FIGNL2: variants seen among roughly 807,000 people sequenced by gnomAD.
The protein encoded by FIGNL2 is fidgetin like 2, also known as fidgetin-like protein 2.
For synonymous variants in FIGNL2, 565 were observed against 484.0 expected (o/e 1.17, Z -2.20); for missense variants, 1,060 against 950.2 (o/e 1.12, Z -1.52).
In FIGNL2 at chr12:51,821,730, G is replaced by C; in HGVS notation, c.684C>G (p.Ala228=). The C allele has an allele frequency of 7.6e-7, 1 of 1,310,850 alleles. No individual in the cohort carries two copies. Among genetic ancestry groups the C allele is most frequent in the South Asian group, 2.3e-5 (1 of 43,784 alleles). 81.2% of individuals were successfully genotyped at this position (1,310,850 alleles called of 1,614,324 possible). Residue 228 remains alanine (A), a synonymous_variant, in exon 2 of 2, where the codon GCC becomes GCG. Transcript: ENST00000618634. The part of the protein sequence containing the change: ...ALPPPPGPPP[A]PYLTPGLPAP... Reference sequence around the variant, plus strand: ...CGGGCAGGCCCGGGGTCAGGTAGGGGGCCGGGGGTGGGCCTGGGGGCGGCG... The same window carrying C: ...CGGGCAGGCCCGGGGTCAGGTAGGGCGCCGGGGGTGGGCCTGGGGGCGGCG...
At chr12:51,845,740 C>A in intron 1 of FIGNL2, 1 of 896,742 alleles carries the variant, frequency 1.1e-6, no homozygotes, top group Non-Finnish European at 1.3e-6. Context: ...GAAGGCAGGG[C>A]TCCTAAGGGT....
chr12:51,848,288 C>T, intron 1 of FIGNL2: 1 of 985,062 alleles, frequency 1.0e-6, no homozygotes, highest in Non-Finnish European at 1.2e-6. Flanking sequence ...GAGACGGGTG[C>T]CCGTCGGCGG....
Position 51,848,149 on chromosome 12 carries a change from C to T in FIGNL2, c.-12+391G>A, listed in dbSNP as rs536054255. The stretch of plus-strand genomic sequence containing the variant: ...AGTGGGAGGGGCCTGCGGGCCGGCC[C>T]TCGGGCTCCGGACGCTGGATCCTTC... On this transcript the variant is annotated intron_variant, in intron 1 of 1. Transcript: ENST00000618634. 4.9e-4 allele frequency: 478 copies of T among 984,816 alleles called. 3 individuals carry two copies. In the African/African-American group the frequency reaches 7.4e-3, roughly 15 times the overall value. 61.0% of individuals were successfully genotyped at this position (984,816 alleles called of 1,614,324 possible).
rs568597294 is a variant in FIGNL2 at position 51,822,709 on chromosome 12, T to C, written c.-11-285A>G. ...CCTTGTAGGCAATGGTTATTATTTT[T>C]GTCCTGGCCACTCCAGCCATGTCCT... On this transcript the variant is annotated intron_variant, in intron 1 of 1. Transcript: ENST00000618634. Among the ~76,000 whole-genome samples, 8 of 152,362 alleles carry C rather than the reference T, an allele frequency of 5.3e-5. No individual in the cohort carries two copies. The East Asian group carries it at 1.5e-3, about 29-fold the overall frequency.
intron 1 of FIGNL2, among the ~76,000 whole-genome samples, chr12:51,830,491 T>G (rs1489695373): frequency 1.5e-4 from 18 of 119,560 alleles, no homozygotes; most frequent in Non-Finnish European, 3.6e-4. Context: ...AAATATTGAG[T>G]TGTTTTTTTT....
chr12:51,846,283 T>A (rs1048915368), intron 1 of FIGNL2, among the ~76,000 whole-genome samples: 2 of 152,084 alleles, frequency 1.3e-5, no homozygotes, highest in African/African-American at 4.8e-5. Flanking sequence ...TGACAGAAGC[T>A]CGGGGCTGGG....
At position 51,820,958 on chromosome 12, in the gene FIGNL2, A is replaced by T. The variant is rs1592183624; in HGVS notation, c.1456T>A (p.Ser486Thr). 1.8e-5 allele frequency: 22 copies of T among 1,236,034 alleles called. No homozygotes were observed. The East Asian group carries it at 7.1e-4, about 40-fold the overall frequency. 76.6% of individuals were successfully genotyped at this position (1,236,034 alleles called of 1,614,324 possible). The change falls in exon 2 of 2, where the codon TCC (serine) becomes ACC (threonine). Residue 486 changes from serine (S) to threonine (T), a missense_variant. By Grantham distance (58) the Ser-to-Thr change is moderately conservative (BLOSUM62 1). Transcript: ENST00000618634. The stretch of plus-strand genomic sequence containing the variant: ...TCTAGCTCGCTGATGAGGAGTACGG[A>T]GGGTGGGCGGCAGCGCGCGGCCGCG... ...AFAAARCRPP[S>T]VLLISELEAL...
intron 1 of FIGNL2, among the ~76,000 whole-genome samples, chr12:51,834,101 ATGGATGGT>A (rs1312143014): frequency 9.0e-6 from 1 of 110,584 alleles, no homozygotes. Flanking sequence ...GGATGGGTGG[ATGGATGGT>A]TGGATGGATG....
At chr12:51,836,626 G>A (rs754289167) in intron 1 of FIGNL2, among the ~76,000 whole-genome samples, 2 of 152,110 alleles carry the variant, frequency 1.3e-5, no homozygotes, top group South Asian at 4.1e-4. Flanking sequence ...TATCCCAGCA[G>A]ACACACCCCA....
In FIGNL2 at chr12:51,819,356, C is replaced by T. The variant is rs1177043987; in HGVS notation, c.*1096G>A. 1 of 152,650 alleles carries T rather than the reference C, an allele frequency of 6.6e-6. No individual in the cohort carries two copies. The highest frequency in any genetic ancestry group is 1.5e-5 in the Non-Finnish European group (1 of 68,084). 9.5% of individuals were successfully genotyped at this position (152,650 alleles called of 1,614,324 possible). On this transcript the variant is annotated 3_prime_UTR_variant, in exon 2 of 2. Coordinates refer to ENST00000618634, the MANE Select transcript of FIGNL2 (RefSeq NM_001384995.1). ...GAGAGGAATAAGGCCTCCCTTCTCT[C>T]AAACCCCACAGCCCACTCCCCACAT...
At position 51,845,162 on chromosome 12, in the gene FIGNL2, T is replaced by G. The variant is rs562500209; in HGVS notation, c.-12+3378A>C. On this transcript the variant is annotated intron_variant, in intron 1 of 1. Coordinates refer to ENST00000618634, the MANE Select transcript of FIGNL2 (RefSeq NM_001384995.1). ...CAAAAAAAGTTATGGATACCCAGAA[T>G]GGGTAATCTTGGAGGCTCCTTCCAT... 4.6e-5 allele frequency among the ~76,000 whole-genome samples: 7 copies of G among 152,316 alleles called. No individual in the cohort carries two copies. In the South Asian group the frequency reaches 1.2e-3, roughly 27 times the overall value.
At chr12:51,843,647 C>G (rs948171129) in intron 1 of FIGNL2, among the ~76,000 whole-genome samples, 2 of 152,156 alleles carry the variant, frequency 1.3e-5, no homozygotes, top group Non-Finnish European at 2.9e-5. Context: ...CTGAGTCTGC[C>G]CTGGCAGTGA....
chr12:51,843,097 A>C (rs1205936486), intron 1 of FIGNL2, among the ~76,000 whole-genome samples: 1 of 152,206 alleles, frequency 6.6e-6, no homozygotes, highest in Non-Finnish European at 1.5e-5. Flanking sequence ...TAAAAGCCCC[A>C]GCTCAGAGCC....
At position 51,820,516 on chromosome 12, in the gene FIGNL2, C is replaced by T. The variant is rs1439170080; in HGVS notation, c.1898G>A (p.Arg633Lys). 1.3e-6 allele frequency: 2 copies of T among 1,573,992 alleles called. No homozygotes were observed. Among genetic ancestry groups the T allele is most frequent in the Non-Finnish European group, 1.7e-6 (2 of 1,167,946 alleles). Residue 633 changes from arginine to lysine, a missense_variant, in exon 2 of 2, where the codon AGG becomes AAG. Physicochemically the swap from Arg to Lys is conservative, Grantham distance 26. Transcript: ENST00000618634. ...CGAGTCCAGTTCCTTGGCAGAGGCC[C>T]TAGGGCCCACCTTGGCCAGCGCCGC... ...LEAALAKVGP[R>K]ASAKELDSFV...
At position 51,818,975 on chromosome 12, in the gene FIGNL2, C is replaced by G. The variant is rs1257938099; in HGVS notation, c.*1477G>C. On this transcript the variant is annotated 3_prime_UTR_variant, in exon 2 of 2. Coordinates refer to ENST00000618634, the MANE Select transcript of FIGNL2 (RefSeq NM_001384995.1). ...GCCCTGGAGCTCCAGACCTAGGACT[C>G]CGGGGGAATGGGGAAGGCACATTTC... The G allele has an allele frequency of 6.6e-6, 1 of 152,308 alleles. No individual in the cohort carries two copies. The highest frequency in any genetic ancestry group is 1.5e-5 in the Non-Finnish European group (1 of 68,142). The allele number at this position is 152,308 out of a possible 1,614,324, so 9.4% of individuals were successfully genotyped here.
chr12:51,830,108 G>A (rs1322101320), intron 1 of FIGNL2, among the ~76,000 whole-genome samples: 1 of 152,120 alleles, frequency 6.6e-6, no homozygotes, highest in African/African-American at 2.4e-5. Context: ...GGCCAACATG[G>A]TGAAACTCCA....
At chr12:51,842,220 G>A (rs1275427831) in intron 1 of FIGNL2, 1 of 152,260 alleles carries the variant, frequency 6.6e-6, no homozygotes, top group Non-Finnish European at 1.5e-5. Context: ...ACTCAGGCCT[G>A]AGGAGGGCCA....
In FIGNL2 at chr12:51,820,685, C is replaced by G. The variant is rs1322778986; in HGVS notation, c.1729G>C (p.Ala577Pro). The change falls in exon 2 of 2, where the codon GCG (alanine) becomes CCG (proline). Residue 577 changes from alanine to proline, a missense_variant. Coordinates refer to ENST00000618634, the MANE Select transcript of FIGNL2 (RefSeq NM_001384995.1). Reference sequence around the variant, plus strand: ...GCCGCCAGTTCCCGCTCACTGAGCGCGCAGCCCTGCTGGGCCAGCGCCCGC... The same window carrying G: ...GCCGCCAGTTCCCGCTCACTGAGCGGGCAGCCCTGCTGGGCCAGCGCCCGC... ...LQRALAQQGCALSERELAALV... is the reference protein window; with the variant it reads ...LQRALAQQGCPLSERELAALV... 3 of 1,508,124 alleles carry G rather than the reference C, an allele frequency of 2.0e-6. No homozygotes were observed. The highest frequency in any genetic ancestry group is 2.6e-6 in the Non-Finnish European group (3 of 1,136,466). 93.4% of individuals were successfully genotyped at this position (1,508,124 alleles called of 1,614,324 possible).
intron 1 of FIGNL2, among the ~76,000 whole-genome samples, chr12:51,836,775 G>A (rs1453427340): frequency 2.0e-5 from 3 of 152,136 alleles, no homozygotes; most frequent in Non-Finnish European, 4.4e-5. Context: ...GACCAGGTAG[G>A]GACATGGCTG....
Sources: gnomAD v4.1 joint callset for allele counts (sites outside exome capture counted in the v4.1 genomes callset) on GRCh38, gnomAD v4.1.1 for gene constraint, MANE v1.5 for transcripts, NCBI Gene and HGNC (gene_info 2026-07-23, HGNC 2026-07-21) for gene names.